RALGPS1: variants seen among roughly 807,000 people sequenced by gnomAD.
RALGPS1 encodes the protein Ral GEF with PH domain and SH3 binding motif 1.
In RALGPS1, 19 loss-of-function variants were observed where a neutral mutation model predicts 78.8. That is an observed-to-expected ratio of 0.24 (90% CI 0.17 to 0.35). The LOEUF is 0.35. RALGPS1 is among the 10% of genes least tolerant of loss of function. The probability of loss-of-function intolerance (pLI) is 1.00; values close to 1 mark genes in which losing one functional copy is unlikely to be tolerated. For missense variants in RALGPS1, 454 were observed against 688.3 expected, an observed-to-expected ratio of 0.66 and a Z score of 3.81; for synonymous variants, 228 against 256.3, an observed-to-expected ratio of 0.89 and a Z score of 1.06.
rs868052896 is a variant in RALGPS1, at chr9:127,196,368, G to T, written c.1038-106G>T. 7.6e-5 allele frequency: 100 copies of T among 1,321,314 alleles called. No individual in the cohort carries two copies. The Middle Eastern group carries it at 1.3e-3, about 18-fold the overall frequency. 81.8% of individuals were successfully genotyped at this position (1,321,314 alleles called of 1,614,324 possible). A position where few individuals can be genotyped will look rare whatever the true frequency, so the allele number is the denominator to read the frequency against. On this transcript the variant is annotated intron_variant, in intron 12 of 18. Coordinates refer to ENST00000259351, the MANE Select transcript of RALGPS1 (RefSeq NM_014636.3). ...GGCTGTACCGTGGCTCTGGGTGGAG[G>T]CCTTTTTCCTGCAGCTGCACCATCT...
intron 14 of RALGPS1, 135 bp downstream of exon 14, chr9:127,199,201 T>G: frequency 2.4e-6 from 2 of 844,910 alleles, no homozygotes; most frequent in Non-Finnish European, 4.0e-6. Context: ...TTCAGCAGAC[T>G]GGCTGGGGCA....
intron 8 of RALGPS1, among the ~76,000 whole-genome samples, chr9:127,135,384 A>G (rs1298944354): frequency 3.3e-5 from 5 of 152,210 alleles, no homozygotes; most frequent in African/African-American, 1.2e-4. Flanking sequence ...GAAGGGGCAC[A>G]GAGGCTGGAG....
At chr9:127,012,611 C>G (rs2044452265) in intron 4 of RALGPS1, among the ~76,000 whole-genome samples, 1 of 152,230 alleles carries the variant, frequency 6.6e-6, no homozygotes, top group Non-Finnish European at 1.5e-5. Flanking sequence ...GCTGAGCTGT[C>G]TCAGCTGCAC....
chr9:127,132,407 C>T (rs1429679517), intron 8 of RALGPS1, among the ~76,000 whole-genome samples: 1 of 152,220 alleles, frequency 6.6e-6, no homozygotes, highest in East Asian at 1.9e-4. Flanking sequence ...CACAACAAAA[C>T]ACCTGAAGCA....
intron 8 of RALGPS1, chr9:127,069,928 A>G (rs553528803): frequency 1.3e-5 from 2 of 152,292 alleles, no homozygotes; most frequent in East Asian, 3.9e-4. Context: ...TTTATCTTAA[A>G]AATTTTATCT....
At chr9:126,919,832 A>G (rs1296520577) in intron 1 of RALGPS1, among the ~76,000 whole-genome samples, 1 of 151,172 alleles carries the variant, frequency 6.6e-6, no homozygotes, top group Non-Finnish European at 1.5e-5. Context: ...AGATCGGCGC[A>G]CAAGCCATTG....
At chr9:127,146,432 T>C (rs1588157082) in intron 8 of RALGPS1, among the ~76,000 whole-genome samples, 1 of 152,204 alleles carries the variant, frequency 6.6e-6, no homozygotes, top group Non-Finnish European at 1.5e-5. Context: ...TATTCCATGG[T>C]ATATATATGT....
chr9:127,060,627 G>A (rs554326761), intron 7 of RALGPS1, among the ~76,000 whole-genome samples: 24 of 152,088 alleles, frequency 1.6e-4, no homozygotes, highest in African/African-American at 5.8e-4. Context: ...TTTTACTTAT[G>A]GCCTGAACTG....
intron 8 of RALGPS1, among the ~76,000 whole-genome samples, chr9:127,104,810 C>T (rs944529362): frequency 1.1e-4 from 16 of 152,216 alleles, no homozygotes; most frequent in African/African-American, 3.4e-4. Context: ...TGCCAAGGCT[C>T]GGATGCAAAG....
At position 126,958,374 on chromosome 9, in the gene RALGPS1, C is replaced by T. The variant is rs986497377; in HGVS notation, c.-65-3851C>T. On this transcript the variant is annotated intron_variant, in intron 1 of 18. Coordinates refer to ENST00000259351, the MANE Select transcript of RALGPS1 (RefSeq NM_014636.3). Reference sequence around the variant, plus strand: ...TTTTAGAGCTAACTGCCACCACGATCCAGTTTTAGAACATTTCCATCCCTC... The same window carrying T: ...TTTTAGAGCTAACTGCCACCACGATTCAGTTTTAGAACATTTCCATCCCTC... Among the ~76,000 whole-genome samples, 4 of 152,016 alleles carry T rather than the reference C, an allele frequency of 2.6e-5. No individual in the cohort carries two copies. In the East Asian group the frequency reaches 7.7e-4, roughly 29 times the overall value.
chr9:127,052,828 T>G lies in RALGPS1; in HGVS notation c.391-19T>G, dbSNP rs572802829. ...TTGTTTATAGCAGCAAAATAATCTA[T>G]TCCATATCTTTTTTTCAGAAACTTC... On this transcript the variant is annotated intron_variant, in intron 6 of 18. Coordinates refer to ENST00000259351, the MANE Select transcript of RALGPS1 (RefSeq NM_014636.3). 2 of 1,502,790 alleles carry G rather than the reference T, an allele frequency of 1.3e-6. No homozygotes were observed. Among genetic ancestry groups the G allele is most frequent in the African/African-American group, 2.8e-5 (2 of 72,578 alleles). The allele number at this position is 1,502,790 out of a possible 1,614,324, so 93.1% of individuals were successfully genotyped here. A position where few individuals can be genotyped will look rare whatever the true frequency, so the allele number is the denominator to read the frequency against.
At chr9:126,949,876 G>A (rs1226259287) in intron 1 of RALGPS1, among the ~76,000 whole-genome samples, 68 of 152,142 alleles carry the variant, frequency 4.5e-4, no homozygotes, top group Non-Finnish European at 4.4e-5. Flanking sequence ...TTTTAGACAT[G>A]AAGTCCTTGC....
chr9:126,976,397 T>TCA (rs5900739), intron 3 of RALGPS1, among the ~76,000 whole-genome samples: 88,060 of 150,426 alleles, frequency 0.59, 29,693 homozygotes, highest in East Asian at 0.81. Flanking sequence ...ACACTCACAT[T>TCA]CACAGTCACA....
intron 8 of RALGPS1, among the ~76,000 whole-genome samples, chr9:127,111,706 CT>C (rs943070861): frequency 2.0e-5 from 3 of 152,174 alleles, no homozygotes; most frequent in African/African-American, 7.2e-5. Context: ...TCATAATCTC[CT>C]TTTAAGGTAG....
At chr9:127,137,381 A>G (rs1364416157) in intron 8 of RALGPS1, among the ~76,000 whole-genome samples, 1 of 152,198 alleles carries the variant, frequency 6.6e-6, no homozygotes, top group African/African-American at 2.4e-5. Flanking sequence ...TGTCAGGATG[A>G]CACCACAGCT....
intron 4 of RALGPS1, among the ~76,000 whole-genome samples, chr9:127,033,457 A>G (rs1403984654): frequency 1.3e-5 from 2 of 152,184 alleles, no homozygotes; most frequent in Non-Finnish European, 2.9e-5. Flanking sequence ...ATCTGTATCT[A>G]TTGTAGCTGC....
At chr9:127,188,088 G>C (rs2060775770) in intron 11 of RALGPS1, among the ~76,000 whole-genome samples, 1 of 125,286 alleles carries the variant, frequency 8.0e-6, no homozygotes, top group Non-Finnish European at 1.6e-5. Flanking sequence ...TTTAGACGGA[G>C]TCTCACTCTG....
intron 14 of RALGPS1, chr9:127,210,681 C>G: frequency 1.3e-6 from 2 of 1,546,778 alleles, no homozygotes; most frequent in South Asian, 2.4e-5. Flanking sequence ...AAATTTAACC[C>G]TTTTCCTCTG....
At chr9:127,150,237 T>C (rs2058342803) in intron 8 of RALGPS1, among the ~76,000 whole-genome samples, 1 of 152,170 alleles carries the variant, frequency 6.6e-6, no homozygotes, top group Non-Finnish European at 1.5e-5. Context: ...CACCCCATGC[T>C]CTGAGGCAGC....
Sources: allele counts gnomAD v4.1 joint callset (sites outside exome capture counted in the v4.1 genomes callset), GRCh38; gene constraint gnomAD v4.1.1; transcripts MANE v1.5; gene names NCBI Gene and HGNC (gene_info 2026-07-23, HGNC 2026-07-21).